Variants in CDC5L observed in about 807,000 individuals in gnomAD.
CDC5L encodes the protein cell division cycle 5-like protein.
CDC5L carries 18 observed loss-of-function variants against 104.1 expected under a neutral mutation model. The ratio of observed to expected loss-of-function variants is 0.17; its 90% CI spans 0.12 to 0.26. The LOEUF (loss-of-function observed/expected upper bound fraction) is 0.26. Among genes scored for constraint, CDC5L ranks in the 10% least tolerant of loss-of-function variants. CDC5L has a pLI of 1.00. For synonymous variants in CDC5L, 331 were observed against 322.7 expected (o/e 1.03, Z -0.28); for missense variants, 673 against 956.9 (o/e 0.70, Z 3.91).
intron 14 of CDC5L, among the ~76,000 whole-genome samples, chr6:44,441,457 C>T (rs1201523835): frequency 6.6e-6 from 1 of 152,112 alleles, no homozygotes; most frequent in Non-Finnish European, 1.5e-5. Context: ...GATTTCAATT[C>T]CTTTGGATAT....
intron 5 of CDC5L, among the ~76,000 whole-genome samples, chr6:44,399,412 A>G (rs1344173145): frequency 3.3e-5 from 5 of 152,268 alleles, no homozygotes; most frequent in East Asian, 3.9e-4. Context: ...CAGCCATTAT[A>G]TATCTTCAAA....
At chr6:44,398,905 G>A (rs774861796) in intron 5 of CDC5L, among the ~76,000 whole-genome samples, 1 of 152,224 alleles carries the variant, frequency 6.6e-6, no homozygotes, top group Non-Finnish European at 1.5e-5. Flanking sequence ...GAAGTCAGCT[G>A]TAAATCTTAC....
intron 7 of CDC5L, among the ~76,000 whole-genome samples, chr6:44,408,047 T>C (rs543004806): frequency 6.6e-6 from 1 of 152,304 alleles, no homozygotes; most frequent in South Asian, 2.1e-4. Flanking sequence ...AGAATTTCAG[T>C]ATAGAGATAC....
intron 4 of CDC5L, among the ~76,000 whole-genome samples, chr6:44,395,671 C>T (rs879397134): frequency 1.3e-5 from 2 of 152,208 alleles, no homozygotes; most frequent in Non-Finnish European, 2.9e-5. Context: ...ATCAGGGCTT[C>T]TCCTGTATAT....
intron 4 of CDC5L, 76 bp from the exon 5 acceptor site, chr6:44,396,265 G>A: frequency 1.2e-6 from 1 of 819,570 alleles, no homozygotes; most frequent in South Asian, 1.7e-5. Flanking sequence ...GCAATAGAGT[G>A]TCTCTTACAT....
At chr6:44,443,589 T>C (rs1475759903) in intron 14 of CDC5L, among the ~76,000 whole-genome samples, 6 of 151,506 alleles carry the variant, frequency 4.0e-5, no homozygotes. Context: ...TGTAGTTTAC[T>C]GATCCTTTCA....
intron 5 of CDC5L, among the ~76,000 whole-genome samples, chr6:44,402,886 AATTC>A (rs1791195229): frequency 6.6e-6 from 1 of 152,194 alleles, no homozygotes; most frequent in Non-Finnish European, 1.5e-5. Flanking sequence ...ATATCTTATA[AATTC>A]ATTTAATTTC....
At chr6:44,406,971 A>G (rs1791397815) in intron 7 of CDC5L, among the ~76,000 whole-genome samples, 1 of 152,180 alleles carries the variant, frequency 6.6e-6, no homozygotes. Flanking sequence ...ATTGTGATAT[A>G]GTATGATAAG....
intron 2 of CDC5L, among the ~76,000 whole-genome samples, chr6:44,392,231 C>T (rs921098159): frequency 7.9e-5 from 12 of 151,970 alleles, no homozygotes; most frequent in Non-Finnish European, 7.4e-5. Flanking sequence ...TGAAAGGTTA[C>T]GGTGAATTTA....
intron 5 of CDC5L, among the ~76,000 whole-genome samples, chr6:44,396,857 G>A (rs537241728): frequency 6.6e-6 from 1 of 151,966 alleles, no homozygotes; most frequent in South Asian, 2.1e-4. Flanking sequence ...GCCCCATGAA[G>A]AGATACACAG....
At chr6:44,407,475 C>T (rs1281861716) in intron 7 of CDC5L, among the ~76,000 whole-genome samples, 2 of 152,118 alleles carry the variant, frequency 1.3e-5, no homozygotes, top group African/African-American at 2.4e-5. Flanking sequence ...TGTAGGCGTG[C>T]GCCACCATGC....
At chr6:44,435,482 A>G (rs1792890277) in intron 14 of CDC5L, among the ~76,000 whole-genome samples, 1 of 151,862 alleles carries the variant, frequency 6.6e-6, no homozygotes, top group African/African-American at 2.4e-5. Flanking sequence ...TGTCTAGAAT[A>G]ATTTATTTTT....
At chr6:44,425,958 G>A in intron 11 of CDC5L, 145 bp from the exon 12 acceptor site, 2 of 525,340 alleles carry the variant, frequency 3.8e-6, no homozygotes, top group Non-Finnish European at 6.9e-6. Flanking sequence ...TGTTGCCTTA[G>A]CATTGCCTTT....
chr6:44,399,192 A>G (rs766070508), intron 5 of CDC5L, among the ~76,000 whole-genome samples: 2 of 152,136 alleles, frequency 1.3e-5, no homozygotes, highest in Non-Finnish European at 2.9e-5. Context: ...ACCTCAAGCT[A>G]TCCTCCTTTC....
Position 44,403,932 on chromosome 6 carries a change from C to G in CDC5L, c.663C>G (p.Ala221=). The G allele has an allele frequency of 6.2e-7, 1 of 1,613,476 alleles. No individual in the cohort carries two copies. The change falls in exon 6 of 16, where the codon GCC becomes GCG. Residue 221 remains alanine, a synonymous_variant. Transcript: ENST00000371477. ...NAEIPFEKKP[A]LGFYDTSEEN... ...AAATCCCATTTGAAAAAAAGCCTGC[C>G]CTTGGTTTTTATGATACTTCTGAGG...
chr6:44,410,321 G>T (rs1791572332), intron 8 of CDC5L, among the ~76,000 whole-genome samples: 1 of 152,106 alleles, frequency 6.6e-6, no homozygotes, highest in Non-Finnish European at 1.5e-5. Flanking sequence ...TGGGGAATTT[G>T]TCTTTCTGTA....
At chr6:44,442,148 A>T (rs1793225825) in intron 14 of CDC5L, among the ~76,000 whole-genome samples, 1 of 151,780 alleles carries the variant, frequency 6.6e-6, no homozygotes, top group South Asian at 2.1e-4. Flanking sequence ...TGTTGGCCAG[A>T]ATGGTATTGA....
chr6:44,435,306 G>T (rs2153383120), intron 14 of CDC5L, among the ~76,000 whole-genome samples: 1 of 151,748 alleles, frequency 6.6e-6, no homozygotes, highest in East Asian at 1.9e-4. Flanking sequence ...TAGTTTTATA[G>T]CTTGTTAATA....
intron 7 of CDC5L, among the ~76,000 whole-genome samples, chr6:44,406,931 C>CA (rs958177543): frequency 4.8e-4 from 72 of 148,914 alleles, no homozygotes; most frequent in Middle Eastern, 3.4e-3. Context: ...ACAACAATAA[C>CA]AAAAAAAAAC....
Sources: allele counts gnomAD v4.1 joint callset (sites outside exome capture counted in the v4.1 genomes callset), GRCh38; gene constraint gnomAD v4.1.1; transcripts MANE v1.5; gene names NCBI Gene and HGNC (gene_info 2026-07-23, HGNC 2026-07-21).